The following PPARGC1A variants were observed in gnomAD, a reference collection of about 807,000 sequenced individuals.
PPARGC1A encodes the protein PPARG coactivator 1 alpha, also known as peroxisome proliferator-activated receptor gamma coactivator 1-alpha.
A neutral mutation model predicts 88.7 loss-of-function variants in PPARGC1A; 25 were observed. The ratio of observed to expected loss-of-function variants is 0.28; its 90% CI spans 0.21 to 0.39. The LOEUF (loss-of-function observed/expected upper bound fraction) is 0.39. Ranked by LOEUF, PPARGC1A falls within the 10% of genes least tolerant of loss-of-function variation. The pLI is 1.00. For synonymous variants in PPARGC1A, 363 were observed against 355.6 expected (o/e 1.02, Z -0.24); for missense variants, 880 against 968.7 (o/e 0.91, Z 1.22).
At chr4:23,920,746 A>G in the PPARGC1A span, among the ~76,000 whole-genome samples, 10 of 152,188 alleles carry the variant, frequency 6.6e-5, no homozygotes, top group Non-Finnish European at 1.3e-4. Flanking sequence ...TTTTGCTAGA[A>G]TTATTTTACA....
chr4:23,892,675 C>G (rs1329091088), upstream of PPARGC1A, among the ~76,000 whole-genome samples: 1 of 151,870 alleles, frequency 6.6e-6, no homozygotes, highest in Non-Finnish European at 1.5e-5. Flanking sequence ...TTACTCTCTA[C>G]CCACAGCCCT....
chr4:24,187,811 C>A, the PPARGC1A span, among the ~76,000 whole-genome samples: 1 of 152,140 alleles, frequency 6.6e-6, no homozygotes, highest in African/African-American at 2.4e-5. Flanking sequence ...GTTAAGTAAG[C>A]ATACCAGCAA....
chr4:24,137,616 C>A, the PPARGC1A span, among the ~76,000 whole-genome samples: 3 of 152,224 alleles, frequency 2.0e-5, no homozygotes, highest in Non-Finnish European at 4.4e-5. Context: ...AATTCAGAGG[C>A]CCTTGCCCAG....
the PPARGC1A span, among the ~76,000 whole-genome samples, chr4:24,139,704 C>A: frequency 6.6e-6 from 1 of 152,026 alleles, no homozygotes; most frequent in Admixed American, 6.6e-5. Flanking sequence ...CCTGTGCGTG[C>A]CCTTGTATGA....
At chr4:24,124,722 C>T in the PPARGC1A span, among the ~76,000 whole-genome samples, 1 of 151,932 alleles carries the variant, frequency 6.6e-6, no homozygotes, top group Non-Finnish European at 1.5e-5. Flanking sequence ...CAATTTACTG[C>T]AAACTAAATT....
At chr4:24,016,065 T>C in the PPARGC1A span, among the ~76,000 whole-genome samples, 1 of 152,154 alleles carries the variant, frequency 6.6e-6, no homozygotes, top group African/African-American at 2.4e-5. Flanking sequence ...GCTGCAATAA[T>C]TGCAATATGA....
At chr4:23,798,763 G>A (rs1340672276) in intron 12 of PPARGC1A, among the ~76,000 whole-genome samples, 1 of 151,894 alleles carries the variant, frequency 6.6e-6, no homozygotes, top group Non-Finnish European at 1.5e-5. Flanking sequence ...TTGCTTATAA[G>A]ACAGTAAATA....
chr4:23,820,304 G>A (rs1350671904), intron 7 of PPARGC1A: 1 of 152,442 alleles, frequency 6.6e-6, no homozygotes, highest in Non-Finnish European at 1.5e-5. Context: ...GATGACATCT[G>A]ATTATATTTT....
chr4:24,172,747 G>C, the PPARGC1A span, among the ~76,000 whole-genome samples: 1 of 152,154 alleles, frequency 6.6e-6, no homozygotes, highest in Non-Finnish European at 1.5e-5. Flanking sequence ...GAAATCAATA[G>C]GTAGGAAATC....
At chr4:24,340,035 C>G in the PPARGC1A span, among the ~76,000 whole-genome samples, 7 of 152,016 alleles carry the variant, frequency 4.6e-5, no homozygotes, top group Non-Finnish European at 8.8e-5. Flanking sequence ...CCGTGCCCGG[C>G]CTAGGTTTTT....
At chr4:24,403,241 T>A in the PPARGC1A span, among the ~76,000 whole-genome samples, 2 of 152,140 alleles carry the variant, frequency 1.3e-5, no homozygotes, top group African/African-American at 4.8e-5. Flanking sequence ...TGAGATAAGG[T>A]GGTTGAATGG....
the PPARGC1A span, among the ~76,000 whole-genome samples, chr4:24,098,152 C>A: frequency 5.9e-5 from 9 of 152,280 alleles, no homozygotes; most frequent in East Asian, 1.7e-3. Flanking sequence ...AAAACCTATA[C>A]AGATTCTGTA....
At chr4:24,018,446 T>G in the PPARGC1A span, among the ~76,000 whole-genome samples, 3 of 152,142 alleles carry the variant, frequency 2.0e-5, no homozygotes, top group African/African-American at 7.2e-5. Context: ...TTATCCAATT[T>G]AATTCAGAGG....
At chr4:24,082,339 G>T in the PPARGC1A span, among the ~76,000 whole-genome samples, 1 of 152,116 alleles carries the variant, frequency 6.6e-6, no homozygotes, top group Non-Finnish European at 1.5e-5. Flanking sequence ...CTTTATGAGA[G>T]GCTTTAGAGA....
chr4:23,964,439 G>C, the PPARGC1A span, among the ~76,000 whole-genome samples: 1 of 152,186 alleles, frequency 6.6e-6, no homozygotes, highest in African/African-American at 2.4e-5. Context: ...ACCTAGGCTG[G>C]CTTCTAGGGT....
chr4:24,169,499 G>A, the PPARGC1A span, among the ~76,000 whole-genome samples: 1 of 151,996 alleles, frequency 6.6e-6, no homozygotes, highest in Non-Finnish European at 1.5e-5. Flanking sequence ...CAGGGCAGGT[G>A]GGAACTCTAT....
the PPARGC1A span, among the ~76,000 whole-genome samples, chr4:24,206,735 G>A: frequency 6.6e-6 from 1 of 150,606 alleles, no homozygotes; most frequent in South Asian, 2.1e-4. Flanking sequence ...AGCTACTCAG[G>A]AGGCTGAGGC....
chr4:23,958,161 CAAGTTT>C, the PPARGC1A span, among the ~76,000 whole-genome samples: 1 of 152,030 alleles, frequency 6.6e-6, no homozygotes. Flanking sequence ...CTGTTCAGTT[CAAGTTT>C]GAGTCAATTC....
the PPARGC1A span, among the ~76,000 whole-genome samples, chr4:24,213,936 G>C: frequency 1.3e-5 from 2 of 152,204 alleles, no homozygotes; most frequent in African/African-American, 4.8e-5. Flanking sequence ...GCTTCATGCA[G>C]GCTTAATATG....
Sources: allele counts gnomAD v4.1 joint callset (sites outside exome capture counted in the v4.1 genomes callset), GRCh38; gene constraint gnomAD v4.1.1; transcripts MANE v1.5; gene names NCBI Gene and HGNC (gene_info 2026-07-23, HGNC 2026-07-21).